The following PVT1 variants were observed in gnomAD, a reference collection of about 807,000 sequenced individuals.
PVT1 encodes CXCR4/PVT1 fusion.
intron 3 of PVT1, among the ~76,000 whole-genome samples, chr8:127,975,903 C>T (rs542605266): frequency 1.3e-5 from 2 of 152,318 alleles, no homozygotes; most frequent in African/African-American, 4.8e-5. Flanking sequence ...GCTTCACTCA[C>T]CACATCCTGT....
intron 4 of PVT1, among the ~76,000 whole-genome samples, chr8:128,030,300 A>G (rs1421082512): frequency 6.6e-6 from 1 of 152,198 alleles, no homozygotes; most frequent in Non-Finnish European, 1.5e-5. Flanking sequence ...TGCATTTTAT[A>G]TACTTTTCAT....
At chr8:127,943,384 C>G (rs1167549794) in intron 3 of PVT1, among the ~76,000 whole-genome samples, 1 of 152,182 alleles carries the variant, frequency 6.6e-6, no homozygotes, top group East Asian at 1.9e-4. Flanking sequence ...CTAAGTATTA[C>G]TTTATTGAAT....
chr8:127,806,805 C>T (rs546286318), intron 2 of PVT1, among the ~76,000 whole-genome samples: 1 of 150,732 alleles, frequency 6.6e-6, no homozygotes, highest in Non-Finnish European at 1.5e-5. Context: ...TGTGTAGTCT[C>T]TCGGATTTGT....
chr8:128,051,889 C>T (rs1461608910), intron 4 of PVT1, among the ~76,000 whole-genome samples: 6 of 152,136 alleles, frequency 3.9e-5, no homozygotes, highest in Non-Finnish European at 1.5e-5. Flanking sequence ...TTCTTCAAGA[C>T]AATTATTTTG....
In PVT1 at chr8:128,029,753, C is replaced by T. The variant is rs190794897; in HGVS notation, n.913-40407C>T. Among the ~76,000 whole-genome samples the T allele has an allele frequency of 2.6e-3, 402 of 152,224 alleles. 2 individuals are homozygous for T. Among genetic ancestry groups the T allele is most frequent in the African/African-American group, 8.0e-3 (333 of 41,516 alleles). On this transcript the variant is annotated intron_variant and non_coding_transcript_variant, in intron 4 of 10. Coordinates refer to ENST00000651587, the Ensembl canonical transcript of PVT1. ...GGTGGAGGTTGCAGTGAGCCGAGAT[C>T]GCGCCACTGCACTCCAGCCTGGGCA...
At chr8:128,022,971 A>G (rs1028050521) in intron 4 of PVT1, among the ~76,000 whole-genome samples, 1 of 151,508 alleles carries the variant, frequency 6.6e-6, no homozygotes, top group African/African-American at 2.4e-5. Flanking sequence ...GGTTCAAGCA[A>G]TTCTCTTGCC....
At chr8:127,807,549 C>G (rs1328622491) in intron 2 of PVT1, among the ~76,000 whole-genome samples, 1 of 152,092 alleles carries the variant, frequency 6.6e-6, no homozygotes, top group Non-Finnish European at 1.5e-5. Flanking sequence ...TCTTGAACTC[C>G]TGGCCTCAAG....
At chr8:128,017,678 C>T (rs1817389375) in intron 4 of PVT1, among the ~76,000 whole-genome samples, 1 of 151,900 alleles carries the variant, frequency 6.6e-6, no homozygotes, top group Non-Finnish European at 1.5e-5. Context: ...CTCAAGTTAT[C>T]CTCCTGCCTC....
chr8:127,818,049 C>A (rs1814686870), intron 2 of PVT1, among the ~76,000 whole-genome samples: 1 of 152,010 alleles, frequency 6.6e-6, no homozygotes, highest in Non-Finnish European at 1.5e-5. Context: ...GGGAAACAGC[C>A]CGGGTCCAGT....
chr8:127,993,697 G>A (rs929051608), intron 4 of PVT1, among the ~76,000 whole-genome samples: 2 of 152,208 alleles, frequency 1.3e-5, no homozygotes, highest in African/African-American at 4.8e-5. Context: ...GGGCTGGAAA[G>A]GCAAAGTGAG....
intron 2 of PVT1, among the ~76,000 whole-genome samples, chr8:127,887,072 C>T (rs1815530739): frequency 2.0e-5 from 3 of 152,210 alleles, no homozygotes; most frequent in Non-Finnish European, 2.9e-5. Flanking sequence ...TGGGCTACTC[C>T]ATACAAACTT....
intron 2 of PVT1, among the ~76,000 whole-genome samples, chr8:127,837,820 A>G (rs1814925834): frequency 6.6e-6 from 1 of 151,660 alleles, no homozygotes; most frequent in Non-Finnish European, 1.5e-5. Context: ...TGATCAGCCT[A>G]TGTACTGCTT....
intron 3 of PVT1, among the ~76,000 whole-genome samples, chr8:127,970,289 GTTTTTTTTT>G (rs68010926): frequency 1.8e-4 from 9 of 49,116 alleles, no homozygotes; most frequent in African/African-American, 6.8e-4. Flanking sequence ...GCCATGATTT[GTTTTTTTTT>G]TTTTTTTTTT....
intron 2 of PVT1, among the ~76,000 whole-genome samples, chr8:127,826,719 G>A (rs1813038894): frequency 6.6e-6 from 1 of 152,148 alleles, no homozygotes; most frequent in Non-Finnish European, 1.5e-5. Context: ...AGCTTTCTGG[G>A]GCCAGGAGAG....
chr8:128,023,259 G>A (rs1002518865), intron 4 of PVT1, among the ~76,000 whole-genome samples: 3 of 152,080 alleles, frequency 2.0e-5, no homozygotes, highest in Admixed American at 6.5e-5. Context: ...CACTGGTTCC[G>A]GGAGAAGAAA....
At chr8:127,959,847 C>A (rs751401776) in intron 3 of PVT1, among the ~76,000 whole-genome samples, 1 of 152,102 alleles carries the variant, frequency 6.6e-6, no homozygotes, top group Non-Finnish European at 1.5e-5. Flanking sequence ...CACTCCTAGC[C>A]CCAAGTGCAA....
At chr8:128,075,087 T>C (rs1482035038) in intron 5 of PVT1, among the ~76,000 whole-genome samples, 1 of 152,250 alleles carries the variant, frequency 6.6e-6, no homozygotes, top group Non-Finnish European at 1.5e-5. Context: ...GGATATTACT[T>C]TAAAATTACA....
At chr8:127,979,247 A>G (rs1052693860) in intron 3 of PVT1, among the ~76,000 whole-genome samples, 3 of 152,242 alleles carry the variant, frequency 2.0e-5, no homozygotes, top group African/African-American at 7.2e-5. Context: ...CTCTAACTCA[A>G]TGAGCTGGGA....
intron 2 of PVT1, among the ~76,000 whole-genome samples, chr8:127,857,624 T>C (rs901347785): frequency 1.3e-5 from 2 of 152,156 alleles, no homozygotes; most frequent in Non-Finnish European, 2.9e-5. Flanking sequence ...GAAGCTGCAG[T>C]GTGCAGTGAT....
Sources: gnomAD v4.1 joint callset for allele counts (sites outside exome capture counted in the v4.1 genomes callset) on GRCh38, gnomAD v4.1.1 for gene constraint, MANE v1.5 for transcripts, NCBI Gene and HGNC (gene_info 2026-07-23, HGNC 2026-07-21) for gene names.